CCDC90B: variants seen among roughly 807,000 people sequenced by gnomAD.
The protein encoded by CCDC90B is coiled-coil domain containing 90B.
A neutral mutation model predicts 37.0 loss-of-function variants in CCDC90B; 24 were observed. That is an observed-to-expected ratio of 0.65 (90% CI 0.47 to 0.91). The LOEUF (loss-of-function observed/expected upper bound fraction) is 0.91, where lower values mean the gene tolerates loss of function less well. CCDC90B is among the 40% of genes least tolerant of loss of function. The probability of loss-of-function intolerance (pLI) is 0.00; values close to 1 mark genes in which losing one functional copy is unlikely to be tolerated. For missense variants in CCDC90B, 319 were observed against 299.0 expected (o/e 1.07, Z -0.49); for synonymous variants, 113 against 101.1 (o/e 1.12, Z -0.71).
intron 8 of CCDC90B, among the ~76,000 whole-genome samples, chr11:83,265,429 T>C (rs555066646): frequency 6.6e-6 from 1 of 152,302 alleles, no homozygotes; most frequent in South Asian, 2.1e-4. Flanking sequence ...TTTTTTCCAC[T>C]GTGGAGTACC....
rs1258332862 is a variant in CCDC90B at position 83,273,253 on chromosome 11, C to CTTTTTTT, written c.594+387_594+393dup. ...TTGTCTTTTAAAAAATAGTTATTTT[C>CTTTTTTT]TTTTTTTTTTTTTTGTTTTTGAGAC... is the stretch of plus-strand genomic sequence containing the variant. On this transcript the variant is annotated intron_variant, in intron 7 of 8. Coordinates refer to ENST00000529689, the MANE Select transcript of CCDC90B (RefSeq NM_021825.5). 1.2e-4 allele frequency: 14 copies of CTTTTTTT among 112,278 alleles called. 1 individual carries two copies. The highest frequency in any genetic ancestry group is 1.7e-4 in the African/African-American group (4 of 24,190). 7.0% of individuals were successfully genotyped at this position (112,278 alleles called of 1,614,324 possible). A position where few individuals can be genotyped will look rare whatever the true frequency, so the allele number is the denominator to read the frequency against.
Position 83,273,850 on chromosome 11 carries a change from T to C in CCDC90B, c.483A>G (p.Arg161=). 6.2e-7 allele frequency: 1 copy of C among 1,609,582 alleles called. No individual in the cohort carries two copies. Among genetic ancestry groups the C allele is most frequent in the Non-Finnish European group, 8.5e-7 (1 of 1,177,750 alleles). Residue 161 remains arginine (R), a synonymous_variant, in exon 6 of 9, where the codon CGA becomes CGG. Coordinates refer to ENST00000529689, the MANE Select transcript of CCDC90B (RefSeq NM_021825.5). ...TATCCAGTTTATTATCTGCTCTGAT[T>C]CGACTGGTTTCATGCTTTAAAGAAA... ...VKQQLMHETS[R]IRADNKLDIN...
intron 2 of CCDC90B, among the ~76,000 whole-genome samples, chr11:83,279,862 C>CT (rs1865281109): frequency 2.0e-5 from 3 of 151,838 alleles, no homozygotes; most frequent in African/African-American, 7.3e-5. Context: ...TCCACACGGA[C>CT]TTTAGTTTAA....
intron 1 of CCDC90B, among the ~76,000 whole-genome samples, chr11:83,282,578 C>T (rs1865454234): frequency 6.6e-6 from 1 of 152,174 alleles, no homozygotes; most frequent in Admixed American, 6.6e-5. Flanking sequence ...CTCTCTGGTC[C>T]TCTGCTTTCA....
At chr11:83,277,611 G>A (rs946511744) in intron 3 of CCDC90B, among the ~76,000 whole-genome samples, 3 of 151,638 alleles carry the variant, frequency 2.0e-5, no homozygotes, top group Non-Finnish European at 4.4e-5. Context: ...GCCTCCCGAG[G>A]AGCTGGGATT....
intron 8 of CCDC90B, among the ~76,000 whole-genome samples, chr11:83,265,636 TAATTTGTAATCTGCTATAATAAA>T (rs1275793478): frequency 6.6e-6 from 1 of 152,186 alleles, no homozygotes; most frequent in Non-Finnish European, 1.5e-5. Context: ...TGGCTGCGTC[TAATTTGTAATCTGCTATAATAAA>T]AATTATAAGT....
At chr11:83,274,075 A>G (rs1287320303) in intron 4 of CCDC90B, 83 bp from the exon 5 acceptor site, 11 of 1,079,404 alleles carry the variant, frequency 1.0e-5, no homozygotes, top group African/African-American at 3.2e-5. Flanking sequence ...CTAGATTACC[A>G]AAATTTGGAC....
At chr11:83,265,537 T>C (rs1864205474) in intron 8 of CCDC90B, among the ~76,000 whole-genome samples, 1 of 152,192 alleles carries the variant, frequency 6.6e-6, no homozygotes, top group East Asian at 1.9e-4. Context: ...CCTGCTAAAC[T>C]TAGATTCTGA....
chr11:83,273,212 T>C (rs1591046254), intron 7 of CCDC90B: 1 of 152,132 alleles, frequency 6.6e-6, no homozygotes, highest in East Asian at 1.9e-4. Context: ...AATTATGAAA[T>C]ACCAATAGTG....
intron 8 of CCDC90B, among the ~76,000 whole-genome samples, chr11:83,265,153 A>C (rs1864176016): frequency 6.6e-6 from 1 of 152,190 alleles, no homozygotes; most frequent in African/African-American, 2.4e-5. Context: ...AAGAAAAAAG[A>C]CAAGTAATAG....
At chr11:83,267,631 A>G (rs1414321340) in intron 7 of CCDC90B, among the ~76,000 whole-genome samples, 1 of 152,228 alleles carries the variant, frequency 6.6e-6, no homozygotes, top group Non-Finnish European at 1.5e-5. Context: ...GATCAAATCT[A>G]CGTTTGATTG....
Position 83,269,968 on chromosome 11 carries a change from G to A in CCDC90B, c.594+3679C>T, listed in dbSNP as rs560736128. ...AAAGCTTATCCACCACGATCAAGTC[G>A]GCTTCATCCCTGGGATGCAAAGCTG... On this transcript the variant is annotated intron_variant, in intron 7 of 8. Transcript: ENST00000529689. Among the ~76,000 whole-genome samples the A allele has an allele frequency of 2.8e-4, 42 of 152,220 alleles. No homozygotes were observed. In the South Asian group the frequency reaches 3.7e-3, roughly 14 times the overall value.
At position 83,270,347 on chromosome 11, in the gene CCDC90B, G is replaced by C. The variant is rs538254052; in HGVS notation, c.594+3300C>G. Among the ~76,000 whole-genome samples the C allele has an allele frequency of 2.0e-5, 3 of 152,344 alleles. No homozygotes were observed. The South Asian group carries it at 6.2e-4, about 32-fold the overall frequency. On this transcript the variant is annotated intron_variant, in intron 7 of 8. Coordinates refer to ENST00000529689, the MANE Select transcript of CCDC90B (RefSeq NM_021825.5). ...AATAAAGGGTATTCAATTAGGAAGA[G>C]AGGAAGTCAAATTGTCCCTGTTTGC...
chr11:83,274,518 A>G (rs1337695065), intron 4 of CCDC90B, 121 bp downstream of exon 4: 6 of 568,450 alleles, frequency 1.1e-5, no homozygotes, highest in South Asian at 2.8e-5. Flanking sequence ...TTTTAAATCT[A>G]AAAACTTATT....
At chr11:83,282,411 G>A (rs1007438762) in intron 1 of CCDC90B, among the ~76,000 whole-genome samples, 6 of 152,272 alleles carry the variant, frequency 3.9e-5, no homozygotes, top group African/African-American at 1.4e-4. Context: ...GAGATCTTAT[G>A]GTCTCATAGC....
chr11:83,271,078 A>G (rs576680610), intron 7 of CCDC90B, among the ~76,000 whole-genome samples: 1 of 152,350 alleles, frequency 6.6e-6, no homozygotes, highest in Non-Finnish European at 1.5e-5. Flanking sequence ...CATATGTAGA[A>G]AGCTGAAACT....
intron 5 of CCDC90B, 34 bp downstream of exon 5, chr11:83,273,917 C>G (rs977290269): frequency 1.3e-6 from 2 of 1,587,512 alleles, no homozygotes; most frequent in Non-Finnish European, 1.7e-6. Flanking sequence ...AATATTTGTT[C>G]TGAAATTAAC....
chr11:83,266,106 A>C, intron 7 of CCDC90B, 127 bp from the exon 8 acceptor site: 1 of 571,886 alleles, frequency 1.7e-6, no homozygotes, highest in Non-Finnish European at 3.1e-6. Flanking sequence ...GGAAACATTA[A>C]AAGCATAGTG....
intron 7 of CCDC90B, chr11:83,273,390 A>G (rs1864809418): frequency 1.2e-5 from 3 of 259,926 alleles, no homozygotes; most frequent in Admixed American, 5.1e-5. Flanking sequence ...GTTATTTTCT[A>G]TTATAGAAGT....
Sources: allele counts gnomAD v4.1 joint callset (sites outside exome capture counted in the v4.1 genomes callset), GRCh38; gene constraint gnomAD v4.1.1; transcripts MANE v1.5; gene names NCBI Gene and HGNC (gene_info 2026-07-23, HGNC 2026-07-21).